SLC10A7: variants seen among roughly 807,000 people sequenced by gnomAD.
SLC10A7 encodes solute carrier family 10 member 7, also known as sodium/bile acid cotransporter 7.
In SLC10A7, 29 loss-of-function variants were observed where a neutral mutation model predicts 43.2. That is an observed-to-expected ratio of 0.67 (90% CI 0.50 to 0.92). The LOEUF is 0.92. Among genes scored for constraint, SLC10A7 ranks in the 40% least tolerant of loss-of-function variants. The probability of loss-of-function intolerance (pLI) is 0.00; values close to 1 mark genes in which losing one functional copy is unlikely to be tolerated. For synonymous variants in SLC10A7, 152 were observed against 144.8 expected (o/e 1.05, Z -0.35); for missense variants, 295 against 403.2 (o/e 0.73, Z 2.30).
intron 4 of SLC10A7, among the ~76,000 whole-genome samples, chr4:146,448,015 A>G (rs1164165013): frequency 1.3e-5 from 2 of 151,954 alleles, no homozygotes. Flanking sequence ...GGAATTGAAC[A>G]ATGAGAACAC....
intron 5 of SLC10A7, among the ~76,000 whole-genome samples, chr4:146,328,257 G>A (rs1211441494): frequency 6.6e-6 from 1 of 152,094 alleles, no homozygotes; most frequent in Non-Finnish European, 1.5e-5. Context: ...GCCTGAGGAC[G>A]GGCCTCCCTG....
chr4:146,273,379 G>A (rs1413289131), intron 10 of SLC10A7, among the ~76,000 whole-genome samples: 2 of 152,118 alleles, frequency 1.3e-5, no homozygotes, highest in African/African-American at 2.4e-5. Flanking sequence ...TGGAAAGGAC[G>A]TGGGCTTTGA....
chr4:146,382,921 T>TG (rs1343715584), intron 5 of SLC10A7, among the ~76,000 whole-genome samples: 1 of 150,534 alleles, frequency 6.6e-6, no homozygotes, highest in East Asian at 2.0e-4. Flanking sequence ...GTATTGGGGG[T>TG]GGGGGGTGCA....
intron 7 of SLC10A7, among the ~76,000 whole-genome samples, chr4:146,302,446 C>A (rs777171915): frequency 6.6e-6 from 1 of 152,188 alleles, no homozygotes; most frequent in South Asian, 2.1e-4. Context: ...AGCTGACAGT[C>A]GAATGGCAGA....
chr4:146,300,012 T>C lies in SLC10A7; in HGVS notation c.555+5914A>G, dbSNP rs1419588476. On this transcript the variant is annotated intron_variant, in intron 7 of 11. Transcript: ENST00000335472. ...TAGGCAGAGTTGGCTTTAACCAGGG[T>C]TGGGGCTTTTTGAGCAAGTACATCA... 1.7e-4 allele frequency among the ~76,000 whole-genome samples: 26 copies of C among 151,940 alleles called. 1 individual carries two copies. Among genetic ancestry groups the C allele is most frequent in the Admixed American group, 1.7e-3 (26 of 15,252 alleles).
intron 4 of SLC10A7, among the ~76,000 whole-genome samples, chr4:146,462,467 G>T (rs558802524): frequency 1.3e-5 from 2 of 152,276 alleles, no homozygotes; most frequent in African/African-American, 4.8e-5. Context: ...AACAGTGGCT[G>T]AGTCAGGATT....
intron 9 of SLC10A7, among the ~76,000 whole-genome samples, chr4:146,289,166 C>A (rs894432682): frequency 2.6e-5 from 4 of 152,178 alleles, no homozygotes; most frequent in African/African-American, 7.2e-5. Context: ...TGGCACTGAA[C>A]AAGCTACCCA....
At chr4:146,424,638 T>C (rs1729197524) in intron 5 of SLC10A7, among the ~76,000 whole-genome samples, 1 of 150,570 alleles carries the variant, frequency 6.6e-6, no homozygotes. Flanking sequence ...GTAGCCTGGG[T>C]GACAGAGCGA....
intron 5 of SLC10A7, among the ~76,000 whole-genome samples, chr4:146,378,655 G>A (rs891999959): frequency 5.3e-5 from 8 of 152,176 alleles, no homozygotes; most frequent in South Asian, 4.1e-4. Flanking sequence ...TCTAGAAAAT[G>A]AGAATAAAAT....
chr4:146,456,332 T>C (rs1025588730), intron 4 of SLC10A7, among the ~76,000 whole-genome samples: 2 of 151,892 alleles, frequency 1.3e-5, no homozygotes, highest in African/African-American at 4.8e-5. Flanking sequence ...ACCCAACTGG[T>C]CTAACACCAA....
At chr4:146,482,029 C>T (rs1467699840) in intron 4 of SLC10A7, among the ~76,000 whole-genome samples, 1 of 152,176 alleles carries the variant, frequency 6.6e-6, no homozygotes, top group African/African-American at 2.4e-5. Context: ...AGAAGCTGTA[C>T]AAAGATTTCA....
At chr4:146,417,693 A>T (rs1302578800) in intron 5 of SLC10A7, among the ~76,000 whole-genome samples, 1 of 152,192 alleles carries the variant, frequency 6.6e-6, no homozygotes, top group African/African-American at 2.4e-5. Context: ...TTCGACAGCA[A>T]TATATAATAT....
intron 6 of SLC10A7, among the ~76,000 whole-genome samples, chr4:146,308,753 C>T (rs1239523637): frequency 6.6e-6 from 1 of 152,112 alleles, no homozygotes; most frequent in Non-Finnish European, 1.5e-5. Context: ...GCATGTTAAG[C>T]AAACAATCCA....
chr4:146,304,143 A>AGGGGAAGGAGCCAAGATGGCC (rs376784271), intron 7 of SLC10A7, among the ~76,000 whole-genome samples: 1 of 144,662 alleles, frequency 6.9e-6, no homozygotes, highest in African/African-American at 2.6e-5. Context: ...AAGTTAAAAT[A>AGGGGAAGGAGCCAAGATGGCC]GAATTCCTAT....
intron 5 of SLC10A7, among the ~76,000 whole-genome samples, chr4:146,415,523 C>G (rs1030819427): frequency 6.6e-6 from 1 of 152,090 alleles, no homozygotes; most frequent in Non-Finnish European, 1.5e-5. Flanking sequence ...AATGGAGGCA[C>G]AATAAAGGGA....
intron 4 of SLC10A7, among the ~76,000 whole-genome samples, chr4:146,458,737 C>A (rs1003158147): frequency 6.6e-6 from 1 of 151,756 alleles, no homozygotes; most frequent in Non-Finnish European, 1.5e-5. Flanking sequence ...CAAGAGTAGG[C>A]CTCTGAGCTT....
At position 146,256,285 on chromosome 4, in the gene SLC10A7, C is replaced by A; in HGVS notation, c.*206G>T. ...GCAAAATTAACCCCCAAATATTGTA[C>A]CACCCCTGGCAGTAATCAACAAAGC... On this transcript the variant is annotated 3_prime_UTR_variant, in exon 12 of 12. Transcript: ENST00000335472. 1 of 580,506 alleles carries A rather than the reference C, an allele frequency of 1.7e-6. No homozygotes were observed. Among genetic ancestry groups the A allele is most frequent in the Non-Finnish European group, 3.0e-6 (1 of 328,068 alleles). 36.0% of individuals were successfully genotyped at this position (580,506 alleles called of 1,614,324 possible).
intron 6 of SLC10A7, among the ~76,000 whole-genome samples, chr4:146,320,320 T>C (rs1455662278): frequency 6.6e-6 from 1 of 151,966 alleles, no homozygotes; most frequent in Non-Finnish European, 1.5e-5. Context: ...AGATTGTTGA[T>C]GGTGTATGTA....
At chr4:146,423,055 G>A (rs1729070823) in intron 5 of SLC10A7, among the ~76,000 whole-genome samples, 1 of 151,986 alleles carries the variant, frequency 6.6e-6, no homozygotes. Context: ...GAACAATTGT[G>A]TATAAAAATA....
Sources: gnomAD v4.1 joint callset for allele counts (sites outside exome capture counted in the v4.1 genomes callset) on GRCh38, gnomAD v4.1.1 for gene constraint, MANE v1.5 for transcripts, NCBI Gene and HGNC (gene_info 2026-07-23, HGNC 2026-07-21) for gene names.